Variants in PRPF40B observed in about 807,000 individuals in gnomAD.
The protein encoded by PRPF40B is pre-mRNA-processing factor 40 homolog B.
In PRPF40B, 56 loss-of-function variants were observed where a neutral mutation model predicts 124.5. The ratio of observed to expected loss-of-function variants is 0.45; its 90% CI spans 0.36 to 0.56. The LOEUF (loss-of-function observed/expected upper bound fraction) is 0.56, where lower values mean the gene tolerates loss of function less well. Among genes scored for constraint, PRPF40B ranks in the 20% least tolerant of loss-of-function variants. PRPF40B has a pLI of 0.00. For synonymous variants in PRPF40B, 443 were observed against 426.4 expected (o/e 1.04, Z -0.48); for missense variants, 1,053 against 1,169.5 (o/e 0.90, Z 1.45).
In PRPF40B at chr12:49,643,898, C is replaced by A; in HGVS notation, c.2480C>A (p.Ala827Asp). ...AGTGAGACAGACCCTGAGGAGAAAG[C>A]TGGCAAGGAGAGCGATGAGAAAGAA... The part of the protein sequence containing the change: ...PESETDPEEK[A>D]GKESDEKEQE... The change falls in exon 25 of 26, where the codon GCT becomes GAT. Residue 827 changes from alanine to aspartate, a missense_variant. Around this residue, in one of 2 missense-constraint regions of PRPF40B, gnomAD observed 895 missense variants for 1,052.2 expected, o/e 0.85. Coordinates refer to ENST00000548825, the MANE Select transcript of PRPF40B (RefSeq NM_001031698.3). The A allele has an allele frequency of 6.2e-7, 1 of 1,614,158 alleles. No homozygotes were observed.
intron 23 of PRPF40B, 106 bp downstream of exon 23, chr12:49,643,503 C>A: frequency 6.9e-7 from 1 of 1,447,024 alleles, no homozygotes; most frequent in Non-Finnish European, 9.3e-7. Flanking sequence ...ATTGGGAGGG[C>A]TGCACCTGTG....
intron 16 of PRPF40B, 91 bp from the exon 17 acceptor site, chr12:49,637,379 C>G (rs964359396): frequency 2.4e-6 from 2 of 824,688 alleles, no homozygotes; most frequent in African/African-American, 3.3e-5. Flanking sequence ...ATTGTCCCTG[C>G]CTCTTCCTCT....
rs943156553 is a variant in PRPF40B, at chr12:49,636,813, G to A, written c.1524G>A (p.Glu508=). The change falls in exon 16 of 26, where the codon GAG becomes GAA. Residue 508 remains glutamate, a synonymous_variant. Coordinates refer to ENST00000548825, the MANE Select transcript of PRPF40B (RefSeq NM_001031698.3). The part of the protein sequence containing the change: ...EEERERARLR[E]RRQQRKNREA... Reference sequence around the variant, plus strand: ...AACGGGAGCGGGCCCGGCTTCGGGAGCGACGCCAACAACGCAAGAATCGGG... The same window carrying A: ...AACGGGAGCGGGCCCGGCTTCGGGAACGACGCCAACAACGCAAGAATCGGG... The A allele has an allele frequency of 1.9e-6, 3 of 1,614,096 alleles. No homozygotes were observed. Among genetic ancestry groups the A allele is most frequent in the African/African-American group, 1.3e-5 (1 of 74,938 alleles).
At position 49,635,266 on chromosome 12, in the gene PRPF40B, CAG is replaced by C; in HGVS notation, c.1166+4_1166+5del. ...ATGACCTCCACCACCCGCTACCGGT[CAG>C]GGGGCCAGGCTGGGCTGGGACTTGG... On this transcript the variant is annotated splice_donor_5th_base_variant and intron_variant, in intron 13 of 25. Coordinates refer to ENST00000548825, the MANE Select transcript of PRPF40B (RefSeq NM_001031698.3). This position sits in a 1 kb window ranked among gnomAD's most constrained non-coding sequence, Gnocchi z 4.1. 1.9e-6 allele frequency: 3 copies of C among 1,612,350 alleles called. No homozygotes were observed. The highest frequency in any genetic ancestry group is 2.5e-6 in the Non-Finnish European group (3 of 1,179,086).
At chr12:49,623,297 C>A (rs1471425445), upstream of PRPF40B, 12 of 169,476 alleles carry the variant, frequency 7.1e-5, no homozygotes, top group Non-Finnish European at 5.0e-5. Context: ...GCAGAGGCGC[C>A]GGCCCCCGAC....
chr12:49,623,997 G>C (rs1198332301), intron 1 of PRPF40B: 3 of 1,016,528 alleles, frequency 3.0e-6, no homozygotes, highest in Non-Finnish European at 3.5e-6. Flanking sequence ...CCTTCCCCCA[G>C]CCCCAGCGCC....
rs576779772 is a variant in PRPF40B, at chr12:49,644,342, C to CA, written c.*152dup. On this transcript the variant is annotated 3_prime_UTR_variant, in exon 26 of 26. Coordinates refer to ENST00000548825, the MANE Select transcript of PRPF40B (RefSeq NM_001031698.3). ...CCAGCACACCATTGTTGGCACCTCT[C>CA]AAGGTTGCTCTTGGTGTTCAAGGGT... The CA allele has an allele frequency of 2.6e-4, 234 of 883,378 alleles. 1 individual carries two copies. The African/African-American group carries it at 3.5e-3, about 13-fold the overall frequency. The allele number at this position is 883,378 out of a possible 1,614,324, so 54.7% of individuals were successfully genotyped here.
In PRPF40B at chr12:49,633,005, C is replaced by G. The variant is rs12322425; in HGVS notation, c.349-9C>G. 6.5e-5 allele frequency: 47 copies of G among 728,012 alleles called. No individual in the cohort carries two copies. The East Asian group carries it at 1.4e-3, about 21-fold the overall frequency. 45.1% of individuals were successfully genotyped at this position (728,012 alleles called of 1,614,324 possible). ...TTGACCACCATTCTGTGCCCCCCCC[C>G]CCACCCAGAGGGCCCTATGGAGTGA... On this transcript the variant is annotated splice_polypyrimidine_tract_variant and intron_variant, in intron 6 of 25. Transcript: ENST00000548825.
Position 49,642,557 on chromosome 12 carries a change from C to T in PRPF40B, c.2023-23C>T. On this transcript the variant is annotated intron_variant, in intron 20 of 25. Coordinates refer to ENST00000548825, the MANE Select transcript of PRPF40B (RefSeq NM_001031698.3). The surrounding 1 kb of genome is among the most constrained non-coding windows in gnomAD (Gnocchi z 5.8). ...CAGGCTGAGTGGGGCCTAGTCTGAT[C>T]AGCAGTGCTCTCCTCGTTCAAGGTC... The T allele has an allele frequency of 1.9e-6, 3 of 1,613,304 alleles. No homozygotes were observed. Among genetic ancestry groups the T allele is most frequent in the South Asian group, 2.2e-5 (2 of 90,980 alleles).
At position 49,642,544 on chromosome 12, in the gene PRPF40B, G is replaced by C. The variant is rs976620630; in HGVS notation, c.2023-36G>C. 6.2e-7 allele frequency: 1 copy of C among 1,609,410 alleles called. No individual in the cohort carries two copies. Among genetic ancestry groups the C allele is most frequent in the Non-Finnish European group, 8.5e-7 (1 of 1,176,044 alleles). On this transcript the variant is annotated intron_variant, in intron 20 of 25. Transcript: ENST00000548825. The surrounding 1 kb of genome is among the most constrained non-coding windows in gnomAD (Gnocchi z 5.8). ...GCGGTGTCCAGGCCAGGCTGAGTGG[G>C]GCCTAGTCTGATCAGCAGTGCTCTC... is the stretch of plus-strand genomic sequence containing the variant.
rs1254706642 is a variant in PRPF40B, at chr12:49,643,958, C to T, written c.2540C>T (p.Ala847Val). The stretch of plus-strand genomic sequence containing the variant: ...GACAAGGACAGGGAGCTCCAACAGG[C>T]AGAGCTCCCTAACCGTTCCCCAGGC... The part of the protein sequence containing the change: ...EQDKDRELQQ[A>V]ELPNRSPGFG... The change falls in exon 25 of 26, where the codon GCA becomes GTA. Residue 847 changes from alanine to valine, a missense_variant. By Grantham distance (64) the Ala-to-Val change is moderately conservative. Transcript: ENST00000548825. 3 of 1,614,068 alleles carry T rather than the reference C, an allele frequency of 1.9e-6. No homozygotes were observed. Among genetic ancestry groups the T allele is most frequent in the East Asian group, 4.5e-5 (2 of 44,898 alleles).
At chr12:49,639,218 A>C (rs751239860) in intron 18 of PRPF40B, 2 of 152,228 alleles carry the variant, frequency 1.3e-5, no homozygotes, top group Non-Finnish European at 2.9e-5. Context: ...TTATGTCCTT[A>C]GGGAAGGTGG....
In PRPF40B at chr12:49,633,004, C is replaced by G. The variant is rs767581274; in HGVS notation, c.349-10C>G. On this transcript the variant is annotated splice_polypyrimidine_tract_variant and intron_variant, in intron 6 of 25. Coordinates refer to ENST00000548825, the MANE Select transcript of PRPF40B (RefSeq NM_001031698.3). ...CTTGACCACCATTCTGTGCCCCCCC[C>G]CCCACCCAGAGGGCCCTATGGAGTG... 89 of 609,894 alleles carry G rather than the reference C, an allele frequency of 1.5e-4. 2 individuals are homozygous for G. Among genetic ancestry groups the G allele is most frequent in the Admixed American group, 1.1e-3 (51 of 46,354 alleles). The allele number at this position is 609,894 out of a possible 1,614,324, so 37.8% of individuals were successfully genotyped here.
At chr12:49,630,482 C>T in intron 1 of PRPF40B, 63 bp from the exon 2 acceptor site, 1 of 752,546 alleles carries the variant, frequency 1.3e-6, no homozygotes, top group Non-Finnish European at 2.4e-6. Context: ...TTCTGCTTCC[C>T]TTCTGCAAAA....
At chr12:49,636,561 T>G (rs866565419) in intron 15 of PRPF40B, 155 bp from the exon 16 acceptor site, 30 of 810,342 alleles carry the variant, frequency 3.7e-5, no homozygotes, top group South Asian at 3.7e-4. Flanking sequence ...ACCATTGCAG[T>G]GGCTGCTCCC....
In PRPF40B at chr12:49,642,694, C is replaced by T. The variant is rs763769179; in HGVS notation, c.2118+19C>T. The T allele has an allele frequency of 6.2e-7, 1 of 1,610,154 alleles. No homozygotes were observed. Among genetic ancestry groups the T allele is most frequent in the East Asian group, 2.2e-5 (1 of 44,736 alleles). ...GCTGGAGGTGAGGCAGGCTTGTCCT[C>T]TGGATCTGCCTCAGGCCCTTGAACT... On this transcript the variant is annotated intron_variant, in intron 21 of 25. Coordinates refer to ENST00000548825, the MANE Select transcript of PRPF40B (RefSeq NM_001031698.3). The surrounding 1 kb of genome is among the most constrained non-coding windows in gnomAD (Gnocchi z 5.8).
chr12:49,634,595 C>G lies in PRPF40B; in HGVS notation c.994C>G (p.Arg332Gly), dbSNP rs1000016184. 1.9e-6 allele frequency: 3 copies of G among 1,614,032 alleles called. No individual in the cohort carries two copies. Among genetic ancestry groups the G allele is most frequent in the East Asian group, 4.5e-5 (2 of 44,884 alleles). The stretch of plus-strand genomic sequence containing the variant: ...CATGAAGATGGTGGTCACCGACCCC[C>G]GTTACAGGTAGGCCTGGGCAGAGGG... ...QAMKMVVTDP[R>G]YSALPKLSEK... Residue 332 changes from arginine to glycine, a missense_variant, in exon 12 of 26, where the codon CGT (arginine) becomes GGT (glycine). Coordinates refer to ENST00000548825, the MANE Select transcript of PRPF40B (RefSeq NM_001031698.3).
Position 49,634,321 on chromosome 12 carries a change from G to T in PRPF40B, c.813-11G>T, listed in dbSNP as rs376549861. 1.8e-5 allele frequency: 29 copies of T among 1,614,168 alleles called. No individual in the cohort carries two copies. In the African/African-American group the frequency reaches 3.5e-4, roughly 19 times the overall value. On this transcript the variant is annotated splice_polypyrimidine_tract_variant and intron_variant, in intron 10 of 25. Coordinates refer to ENST00000548825, the MANE Select transcript of PRPF40B (RefSeq NM_001031698.3). The stretch of plus-strand genomic sequence containing the variant: ...GGGGGACCCTGTGGCTGAGTCCCCT[G>T]TGCCCTCCAGTTCTGGACAGCATCA...
chr12:49,642,545 G>T lies in PRPF40B; in HGVS notation c.2023-35G>T. On this transcript the variant is annotated intron_variant, in intron 20 of 25. Coordinates refer to ENST00000548825, the MANE Select transcript of PRPF40B (RefSeq NM_001031698.3). This position sits in a 1 kb window ranked among gnomAD's most constrained non-coding sequence, Gnocchi z 5.8. ...CGGTGTCCAGGCCAGGCTGAGTGGGGCCTAGTCTGATCAGCAGTGCTCTCC... is the reference window on the plus strand; with the variant it reads ...CGGTGTCCAGGCCAGGCTGAGTGGGTCCTAGTCTGATCAGCAGTGCTCTCC... 6.2e-7 allele frequency: 1 copy of T among 1,610,900 alleles called. No homozygotes were observed. The highest frequency in any genetic ancestry group is 1.1e-5 in the South Asian group (1 of 90,906).
Sources: allele counts gnomAD v4.1 joint callset, GRCh38; gene constraint gnomAD v4.1.1; regional missense constraint gnomAD v4.1.1; non-coding constraint Gnocchi (gnomAD v3.1); transcripts MANE v1.5; gene names NCBI Gene and HGNC (gene_info 2026-07-23, HGNC 2026-07-21).